The following BLK variants were observed in gnomAD, a reference collection of about 807,000 sequenced individuals.
The protein encoded by BLK is BLK proto-oncogene, Src family tyrosine kinase.
In BLK, 64 loss-of-function variants were observed where a neutral mutation model predicts 61.8. That is an observed-to-expected ratio of 1.03 (90% CI 0.85 to 1.27). The LOEUF is 1.27. Ranked by LOEUF, BLK falls within the 50% of genes most tolerant of loss-of-function variation. BLK has a pLI of 0.00. For missense variants in BLK, 853 were observed against 660.5 expected (o/e 1.29, Z -3.19); for synonymous variants, 351 against 272.0 (o/e 1.29, Z -2.86).
intron 1 of BLK, among the ~76,000 whole-genome samples, chr8:11,505,513 A>G (rs1255008237): frequency 6.6e-6 from 1 of 152,086 alleles, no homozygotes; most frequent in Non-Finnish European, 1.5e-5. Flanking sequence ...TTGTAATAAC[A>G]CTTGTTCTCT....
rs74950729 is a variant in BLK at position 11,499,615 on chromosome 8, C to T, written c.-2+5024C>T. Reference sequence around the variant, plus strand: ...ATTGCTGAGATGACGTTAAGCTGTTCGCATTCCACCCAGGACCTCCACAGG... The same window carrying T: ...ATTGCTGAGATGACGTTAAGCTGTTTGCATTCCACCCAGGACCTCCACAGG... On this transcript the variant is annotated intron_variant, in intron 1 of 12. Transcript: ENST00000259089. 1.6e-3 allele frequency among the ~76,000 whole-genome samples: 250 copies of T among 152,266 alleles called. 3 individuals are homozygous for T. The highest frequency in any genetic ancestry group is 5.4e-3 in the African/African-American group (226 of 41,546).
At chr8:11,549,259 G>T in intron 5 of BLK, 137 bp downstream of exon 5, 1 of 799,808 alleles carries the variant, frequency 1.3e-6, no homozygotes, top group South Asian at 1.5e-5. Flanking sequence ...CAGGAAATGA[G>T]CTCTGCTGGG....
chr8:11,548,935 G>A, intron 4 of BLK, 89 bp from the exon 5 acceptor site: 2 of 1,171,118 alleles, frequency 1.7e-6, no homozygotes, highest in East Asian at 2.5e-5. Flanking sequence ...GCCCTCCAGG[G>A]AGAGATGACT....
Position 11,554,826 on chromosome 8 carries a change from GGCT to G in BLK, c.557_559del (p.Gly186_Tyr187delinsAsp), listed in dbSNP as rs746327908. The G allele has an allele frequency of 1.2e-6, 2 of 1,614,008 alleles. No homozygotes were observed. The highest frequency in any genetic ancestry group is 1.7e-6 in the Non-Finnish European group (2 of 1,179,990). On this transcript the variant is annotated inframe_deletion, in exon 7 of 13. Transcript: ENST00000259089. ...TAAGATCCGCTGCCTGGATGAAGGG[GGCT>G]ACTACATCTCCCCCCGGATCACCTT... is the stretch of plus-strand genomic sequence containing the variant.
In BLK at chr8:11,558,052, C is replaced by T. The variant is rs1366657167; in HGVS notation, c.1029+14C>T. On this transcript the variant is annotated intron_variant, in intron 10 of 12. Coordinates refer to ENST00000259089, the MANE Select transcript of BLK (RefSeq NM_001715.3). ...ATGTCGGCGCAGGTTGGTGAAGTAC[C>T]AGGTGCAGAGAAAGGGCGGCATGTG... 2 of 1,613,758 alleles carry T rather than the reference C, an allele frequency of 1.2e-6. No homozygotes were observed. The highest frequency in any genetic ancestry group is 1.1e-5 in the South Asian group (1 of 91,062).
At chr8:11,559,051 C>T (rs926504055) in intron 10 of BLK, 8 of 453,850 alleles carry the variant, frequency 1.8e-5, no homozygotes, top group Non-Finnish European at 3.6e-5. Context: ...AGCCTGCCCA[C>T]TGCTGCTGCT....
rs116430191 is a variant in BLK, at chr8:11,502,985, A to G, written c.-2+8394A>G. On this transcript the variant is annotated intron_variant, in intron 1 of 12. Transcript: ENST00000259089. ...GCAAGTCCCCACTCGCAAAACGGCTACTGTTTTCCACAACCATGGGATACA... is the reference window on the plus strand; with the variant it reads ...GCAAGTCCCCACTCGCAAAACGGCTGCTGTTTTCCACAACCATGGGATACA... Among the ~76,000 whole-genome samples, 1,445 of 152,278 alleles carry G rather than the reference A, an allele frequency of 9.5e-3. 28 individuals carry two copies. Among genetic ancestry groups the G allele is most frequent in the African/African-American group, 0.033 (1,379 of 41,550 alleles).
intron 1 of BLK, among the ~76,000 whole-genome samples, chr8:11,505,573 C>T (rs1023248595): frequency 4.6e-5 from 7 of 152,220 alleles, no homozygotes; most frequent in African/African-American, 1.7e-4. Context: ...CAGGCCCTCC[C>T]CCTTCTAGAC....
At chr8:11,545,060 T>G (rs1396078201) in intron 2 of BLK, among the ~76,000 whole-genome samples, 1 of 152,232 alleles carries the variant, frequency 6.6e-6, no homozygotes, top group African/African-American at 2.4e-5. Context: ...TTAGTTTCAT[T>G]ATTCATGTTG....
At chr8:11,521,694 G>A (rs1230318048) in intron 1 of BLK, among the ~76,000 whole-genome samples, 2 of 152,140 alleles carry the variant, frequency 1.3e-5, no homozygotes, top group East Asian at 1.9e-4. Flanking sequence ...CTCATTTATC[G>A]AGTAGCTCAT....
chr8:11,501,051 A>C (rs758006947), intron 1 of BLK, among the ~76,000 whole-genome samples: 1 of 151,990 alleles, frequency 6.6e-6, no homozygotes, highest in Non-Finnish European at 1.5e-5. Flanking sequence ...TCTACCAAAA[A>C]TACAAAAATT....
intron 1 of BLK, among the ~76,000 whole-genome samples, chr8:11,522,114 A>G (rs959771574): frequency 2.0e-5 from 3 of 152,144 alleles, no homozygotes; most frequent in African/African-American, 7.2e-5. Flanking sequence ...TTACGTCTCC[A>G]TACAAGTTTG....
chr8:11,525,628 T>C (rs1396624120), intron 1 of BLK, among the ~76,000 whole-genome samples: 1 of 152,234 alleles, frequency 6.6e-6, no homozygotes, highest in African/African-American at 2.4e-5. Flanking sequence ...CCATGAATAT[T>C]GTTTTCAAAA....
intron 6 of BLK, among the ~76,000 whole-genome samples, chr8:11,550,479 G>A (rs1052571340): frequency 2.0e-5 from 3 of 152,276 alleles, no homozygotes; most frequent in African/African-American, 7.2e-5. Context: ...CTGGGCACAG[G>A]AAGCCGGGTG....
intron 12 of BLK, 30 bp from the exon 13 acceptor site, chr8:11,563,873 C>T (rs377355440): frequency 6.3e-7 from 1 of 1,593,916 alleles, no homozygotes; most frequent in African/African-American, 1.3e-5. Flanking sequence ...CCCAGCCCCT[C>T]ACCCCCGCTT....
intron 12 of BLK, 99 bp from the exon 13 acceptor site, chr8:11,563,804 C>T (rs942356822): frequency 6.0e-5 from 72 of 1,204,838 alleles, no homozygotes; most frequent in Middle Eastern, 5.3e-4. Context: ...GCACTGCTGT[C>T]CCTTGCCTGG....
intron 1 of BLK, among the ~76,000 whole-genome samples, chr8:11,520,052 C>G (rs1799380140): frequency 6.6e-6 from 1 of 152,150 alleles, no homozygotes. Flanking sequence ...TAGTCACACA[C>G]AAACCACAGA....
chr8:11,503,560 G>A (rs1201615810), intron 1 of BLK, among the ~76,000 whole-genome samples: 1 of 152,150 alleles, frequency 6.6e-6, no homozygotes, highest in Non-Finnish European at 1.5e-5. Context: ...AGAGGCCTTT[G>A]CCACCAGGTC....
At chr8:11,518,601 C>A (rs191411505) in intron 1 of BLK, among the ~76,000 whole-genome samples, 4 of 152,110 alleles carry the variant, frequency 2.6e-5, no homozygotes, top group East Asian at 1.9e-4. Flanking sequence ...CGATCTCCTG[C>A]GGTGGCCTCC....
Sources: allele counts gnomAD v4.1 joint callset (sites outside exome capture counted in the v4.1 genomes callset), GRCh38; gene constraint gnomAD v4.1.1; transcripts MANE v1.5; gene names NCBI Gene and HGNC (gene_info 2026-07-23, HGNC 2026-07-21).